Variants in GPR139 observed in about 807,000 individuals in gnomAD.
The protein encoded by GPR139 is G protein-coupled receptor 139.
In GPR139, 12 loss-of-function variants were observed where a neutral mutation model predicts 25.8. The ratio of observed to expected loss-of-function variants is 0.47; its 90% CI spans 0.30 to 0.75. The LOEUF (loss-of-function observed/expected upper bound fraction) is 0.75. GPR139 is among the 30% of genes least tolerant of loss of function. GPR139 has a pLI of 0.07. For synonymous variants in GPR139, 184 were observed against 179.9 expected (o/e 1.02, Z -0.18); for missense variants, 380 against 450.2 (o/e 0.84, Z 1.41).
chr16:20,072,983 A>G lies in GPR139; in HGVS notation c.127+507T>C, dbSNP rs376037413. Among the ~76,000 whole-genome samples the G allele has an allele frequency of 2.2e-3, 336 of 152,170 alleles. 1 individual carries two copies. The highest frequency in any genetic ancestry group is 7.6e-3 in the African/African-American group (316 of 41,514). Reference sequence around the variant, plus strand: ...CATTCCAGTGCCCCCCGAGCAAGAGAGTGCTCAATGTCAGGGTCTCCAGCT... The same window carrying G: ...CATTCCAGTGCCCCCCGAGCAAGAGGGTGCTCAATGTCAGGGTCTCCAGCT... On this transcript the variant is annotated intron_variant, in intron 1 of 1. Transcript: ENST00000570682.
intron 1 of GPR139, among the ~76,000 whole-genome samples, chr16:20,070,413 C>T (rs2057455635): frequency 6.6e-6 from 1 of 152,098 alleles, no homozygotes; most frequent in African/African-American, 2.4e-5. Flanking sequence ...ACTGTTGCCC[C>T]CATTTTGCAG....
intron 1 of GPR139, among the ~76,000 whole-genome samples, chr16:20,049,414 A>G (rs1334399528): frequency 6.6e-6 from 1 of 152,126 alleles, no homozygotes; most frequent in Non-Finnish European, 1.5e-5. Context: ...TACCTTCTAT[A>G]ATAGCTATTG....
At chr16:20,060,932 T>C (rs1383055524) in intron 1 of GPR139, among the ~76,000 whole-genome samples, 1 of 152,194 alleles carries the variant, frequency 6.6e-6, no homozygotes, top group Non-Finnish European at 1.5e-5. Context: ...GGAGCTTTCC[T>C]TGAGTTCTCT....
chr16:20,073,630 G>C lies in GPR139; in HGVS notation c.-14C>G. 4 of 1,573,500 alleles carry C rather than the reference G, an allele frequency of 2.5e-6. No individual in the cohort carries two copies. The highest frequency in any genetic ancestry group is 3.4e-6 in the Non-Finnish European group (4 of 1,159,428). On this transcript the variant is annotated 5_prime_UTR_variant, in exon 1 of 2. Transcript: ENST00000570682. This position sits in a 1 kb window ranked among gnomAD's most constrained non-coding sequence, Gnocchi z 4.7. ...CGTGTGCTCCATGAGCGCGCCCCTC[G>C]CTCCCCTTGCCGCTTCGCGCCCGGC...
intron 1 of GPR139, among the ~76,000 whole-genome samples, chr16:20,037,718 C>T (rs992884591): frequency 2.6e-5 from 4 of 152,068 alleles, no homozygotes; most frequent in Admixed American, 1.3e-4. Flanking sequence ...AAATGGTGAC[C>T]CCAGCTCTGT....
rs1463127470 is a variant in GPR139 at position 20,032,343 on chromosome 16, CACTT to C, written c.450_453del (p.Ser151PhefsTer7). 1 of 1,614,200 alleles carries C rather than the reference CACTT, an allele frequency of 6.2e-7. No individual in the cohort carries two copies. The highest frequency in any genetic ancestry group is 8.5e-7 in the Non-Finnish European group (1 of 1,180,032). On this transcript the variant is annotated frameshift_variant, in exon 2 of 2. Coordinates refer to ENST00000570682, the MANE Select transcript of GPR139 (RefSeq NM_001002911.4). LOFTEE classifies it high-confidence loss of function. ...CTGGTCAGGAAGCAGGTGATGTAAA[CACTT>C]ACAATGACTTTCCGGGTGCGGGCTG...
intron 1 of GPR139, among the ~76,000 whole-genome samples, chr16:20,041,127 AAAG>A (rs1187135049): frequency 8.1e-4 from 5 of 6,178 alleles, no homozygotes; most frequent in African/African-American, 7.4e-3. Context: ...AAAGGAAAGG[AAAG>A]GAGAGGAGAG....
chr16:20,052,088 G>A (rs72772733), intron 1 of GPR139, among the ~76,000 whole-genome samples: 4 of 152,202 alleles, frequency 2.6e-5, no homozygotes, highest in South Asian at 2.1e-4. Flanking sequence ...AAGAAACCAC[G>A]GTCTTTCAAG....
intron 1 of GPR139, among the ~76,000 whole-genome samples, chr16:20,041,134 A>G (rs1297869660): frequency 4.7e-3 from 2 of 430 alleles, no homozygotes; most frequent in Admixed American, 0.024. Context: ...AGGAAAGGAG[A>G]GGAGAGGAGA....
chr16:20,037,891 G>A (rs940480311), intron 1 of GPR139, among the ~76,000 whole-genome samples: 14 of 152,024 alleles, frequency 9.2e-5, no homozygotes, highest in African/African-American at 2.2e-4. Context: ...ACTGAGTTTC[G>A]CTCTTGTCGG....
At chr16:20,051,746 A>G (rs2057373059) in intron 1 of GPR139, among the ~76,000 whole-genome samples, 1 of 152,204 alleles carries the variant, frequency 6.6e-6, no homozygotes, top group Admixed American at 6.5e-5. Context: ...AACCTGCTCC[A>G]GCTGAGTTCA....
At chr16:20,047,745 G>T (rs2057359124) in intron 1 of GPR139, among the ~76,000 whole-genome samples, 1 of 152,148 alleles carries the variant, frequency 6.6e-6, no homozygotes, top group Non-Finnish European at 1.5e-5. Context: ...AAGACAGGTG[G>T]CAGAGTACAA....
chr16:20,030,799 G>A lies in GPR139; in HGVS notation c.*936C>T, dbSNP rs2057285119. On this transcript the variant is annotated 3_prime_UTR_variant, in exon 2 of 2. Coordinates refer to ENST00000570682, the MANE Select transcript of GPR139 (RefSeq NM_001002911.4). ...GAAGTCACTTCAAATAAAACAATTT[G>A]GTGAGGGCCTCAGCAAGCAAGGAGG... Among the ~76,000 whole-genome samples, 1 of 152,158 alleles carries A rather than the reference G, an allele frequency of 6.6e-6. No homozygotes were observed. Among genetic ancestry groups the A allele is most frequent in the Admixed American group, 6.5e-5 (1 of 15,278 alleles).
chr16:20,033,378 G>T (rs2057298700), intron 1 of GPR139, among the ~76,000 whole-genome samples: 1 of 152,234 alleles, frequency 6.6e-6, no homozygotes, highest in African/African-American at 2.4e-5. Context: ...ATGAAACTGG[G>T]GCTCTGAGAG....
intron 1 of GPR139, among the ~76,000 whole-genome samples, chr16:20,047,518 A>G (rs2057358368): frequency 6.6e-6 from 1 of 152,172 alleles, no homozygotes; most frequent in South Asian, 2.1e-4. Flanking sequence ...TCCTCATATT[A>G]GGTTTGCATC....
In GPR139 at chr16:20,029,981, G is replaced by C. The variant is rs1359901739; in HGVS notation, c.*1754C>G. ...TGCAAAGGTAACTTTGGCTCTGTAA[G>C]GTTTTATCTTTTGCACTGACTTTAG... On this transcript the variant is annotated 3_prime_UTR_variant, in exon 2 of 2. Transcript: ENST00000570682. 5.1e-4 allele frequency among the ~76,000 whole-genome samples: 78 copies of C among 152,142 alleles called. No individual in the cohort carries two copies. Among genetic ancestry groups the C allele is most frequent in the Non-Finnish European group, 4.4e-5 (3 of 68,038 alleles).
At chr16:20,041,793 C>T (rs993734416) in intron 1 of GPR139, among the ~76,000 whole-genome samples, 1 of 152,150 alleles carries the variant, frequency 6.6e-6, no homozygotes, top group African/African-American at 2.4e-5. Context: ...AAGGCAGAAA[C>T]CTGGGAATGT....
chr16:20,067,558 A>T (rs2057439454), intron 1 of GPR139, among the ~76,000 whole-genome samples: 1 of 152,152 alleles, frequency 6.6e-6, no homozygotes, highest in African/African-American at 2.4e-5. Context: ...TAATCCCAGC[A>T]CTTTGGGAGG....
intron 1 of GPR139, among the ~76,000 whole-genome samples, chr16:20,061,227 G>GGATGTGTGGATGGA (rs1480042865): frequency 3.9e-5 from 3 of 77,756 alleles, no homozygotes; most frequent in African/African-American, 1.1e-4. Context: ...GGATGGATGT[G>GGATGTGTGGATGGA]TGGATGGATG....
Sources: gnomAD v4.1 joint callset for allele counts (sites outside exome capture counted in the v4.1 genomes callset) on GRCh38, gnomAD v4.1.1 for gene constraint, Gnocchi (gnomAD v3.1) non-coding constraint, MANE v1.5 for transcripts, NCBI Gene and HGNC (gene_info 2026-07-23, HGNC 2026-07-21) for gene names.